VPS13D: variants seen among roughly 807,000 people sequenced by gnomAD.
VPS13D encodes intermembrane lipid transfer protein VPS13D.
Under a neutral mutation model 461.9 loss-of-function variants are expected in VPS13D, and 187 were observed. That is an observed-to-expected ratio of 0.40 (90% CI 0.36 to 0.46). The LOEUF (loss-of-function observed/expected upper bound fraction) is 0.46. Ranked by LOEUF, VPS13D falls within the 20% of genes least tolerant of loss-of-function variation. VPS13D has a pLI of 0.60. For missense variants in VPS13D, 4,711 were observed against 5,364.9 expected (o/e 0.88, Z 3.81); for synonymous variants, 1,951 against 1,986.3 (o/e 0.98, Z 0.47).
At chr1:12,300,978 T>G (rs971415935) in intron 25 of VPS13D, among the ~76,000 whole-genome samples, 4 of 152,248 alleles carry the variant, frequency 2.6e-5, no homozygotes, top group Non-Finnish European at 5.9e-5. Flanking sequence ...CAGCTACTTA[T>G]GCCTATTTTT....
At chr1:12,468,824 CA>C (rs988272291) in intron 67 of VPS13D, among the ~76,000 whole-genome samples, 1 of 152,158 alleles carries the variant, frequency 6.6e-6, no homozygotes. Context: ...TTTGAGCTCA[CA>C]AGCTCGAGAC....
intron 60 of VPS13D, 87 bp from the exon 61 acceptor site, chr1:12,400,094 A>G (rs1009560216): frequency 2.0e-6 from 3 of 1,486,862 alleles, no homozygotes; most frequent in South Asian, 1.3e-5. Flanking sequence ...CAACCTGCGC[A>G]TTATGAGGCC....
chr1:12,249,625 C>T (rs1445635379), intron 6 of VPS13D: 2 of 214,352 alleles, frequency 9.3e-6, no homozygotes, highest in Admixed American at 5.9e-5. Context: ...TATGTACACT[C>T]CCTGGGTAAA....
At chr1:12,287,515 GTCTTT>G (rs1246269881) in intron 21 of VPS13D, among the ~76,000 whole-genome samples, 1 of 152,156 alleles carries the variant, frequency 6.6e-6, no homozygotes, top group Non-Finnish European at 1.5e-5. Context: ...TCTGCTCTCA[GTCTTT>G]TCCTCACTCC....
At chr1:12,238,632 CTTTT>C (rs757737137) in intron 2 of VPS13D, among the ~76,000 whole-genome samples, 4 of 132,220 alleles carry the variant, frequency 3.0e-5, no homozygotes. Context: ...AGCTGCTATT[CTTTT>C]TTTTTTTTTT....
At chr1:12,247,768 A>C (rs1640606116) in intron 5 of VPS13D, among the ~76,000 whole-genome samples, 1 of 144,892 alleles carries the variant, frequency 6.9e-6, no homozygotes, top group African/African-American at 2.6e-5. Context: ...TGGTGGCGTG[A>C]TCTCGGCTCA....
intron 13 of VPS13D, among the ~76,000 whole-genome samples, chr1:12,262,395 G>A (rs916425082): frequency 1.3e-5 from 2 of 152,150 alleles, no homozygotes; most frequent in Non-Finnish European, 1.5e-5. Flanking sequence ...TTTACAAGTG[G>A]CACAAGAGTT....
At chr1:12,423,471 C>T (rs1459802885) in intron 65 of VPS13D, among the ~76,000 whole-genome samples, 2 of 152,212 alleles carry the variant, frequency 1.3e-5, no homozygotes, top group East Asian at 3.8e-4. Context: ...TTTAGGAAAA[C>T]TGTCTGAAGA....
At chr1:12,381,733 C>T (rs1336193484) in intron 57 of VPS13D, among the ~76,000 whole-genome samples, 1 of 152,212 alleles carries the variant, frequency 6.6e-6, no homozygotes, top group Non-Finnish European at 1.5e-5. Context: ...CTTCCAACTT[C>T]TGTACATCAC....
At chr1:12,347,330 C>T (rs543514004) in intron 44 of VPS13D, among the ~76,000 whole-genome samples, 136 of 152,196 alleles carry the variant, frequency 8.9e-4, no homozygotes, top group Non-Finnish European at 1.6e-3. Flanking sequence ...GCCACCACCC[C>T]CGGCTAATTT....
chr1:12,271,398 A>G (rs1641435819), intron 17 of VPS13D, among the ~76,000 whole-genome samples: 1 of 152,094 alleles, frequency 6.6e-6, no homozygotes, highest in Non-Finnish European at 1.5e-5. Context: ...GCTGGGTGCT[A>G]TGGCTCACAC....
In VPS13D at chr1:12,258,107, A is replaced by C. The variant is rs975494802; in HGVS notation, c.1110+4A>C. 8.7e-6 allele frequency: 14 copies of C among 1,614,060 alleles called. No individual in the cohort carries two copies. The highest frequency in any genetic ancestry group is 1.2e-5 in the Non-Finnish European group (14 of 1,179,904). ...CCTGCTGTCCACAGATGACAAGGTA[A>C]GTGGACTGTGGTCTTGTGTTTCTTG... is the stretch of plus-strand genomic sequence containing the variant. On this transcript the variant is annotated splice_donor_region_variant and intron_variant, in intron 10 of 69. Coordinates refer to ENST00000620676, the MANE Select transcript of VPS13D (RefSeq NM_015378.4).
At chr1:12,289,728 G>A (rs1049002812) in intron 22 of VPS13D, among the ~76,000 whole-genome samples, 1 of 151,956 alleles carries the variant, frequency 6.6e-6, no homozygotes, top group Non-Finnish European at 1.5e-5. Context: ...CTGAGGTCAG[G>A]AGTTTGAGAC....
intron 25 of VPS13D, among the ~76,000 whole-genome samples, chr1:12,302,997 A>G (rs1182174502): frequency 6.6e-6 from 1 of 152,238 alleles, no homozygotes; most frequent in Non-Finnish European, 1.5e-5. Context: ...GTAAGCAGAT[A>G]AACACATCTG....
At chr1:12,395,852 G>A (rs1012887478) in intron 60 of VPS13D, among the ~76,000 whole-genome samples, 13 of 150,838 alleles carry the variant, frequency 8.6e-5, no homozygotes, top group African/African-American at 3.2e-4. Flanking sequence ...TTTTTTGGGG[G>A]GCTAATCATA....
rs1641602985 is a variant in VPS13D at position 12,276,099 on chromosome 1, T to C, written c.2511T>C (p.His837=). The change falls in exon 19 of 70, where the codon CAT becomes CAC. Residue 837 remains histidine, a synonymous_variant. Coordinates refer to ENST00000620676, the MANE Select transcript of VPS13D (RefSeq NM_015378.4). The surrounding 1 kb of genome is among the most constrained non-coding windows in gnomAD (Gnocchi z 4.5). Reference sequence around the variant, plus strand: ...GACGAGTGAAAGACAATTGGAAGCATGTCCAGGATATTGACGTGGGACCAA... The same window carrying C: ...GACGAGTGAAAGACAATTGGAAGCACGTCCAGGATATTGACGTGGGACCAA... The part of the protein sequence containing the change: ...MVGRVKDNWK[H]VQDIDVGPTH... The C allele has an allele frequency of 6.2e-7, 1 of 1,614,162 alleles. No individual in the cohort carries two copies. The highest frequency in any genetic ancestry group is 1.3e-5 in the African/African-American group (1 of 75,054).
intron 14 of VPS13D, 33 bp from the exon 15 acceptor site, chr1:12,267,812 A>T (rs2101319582): frequency 1.2e-6 from 2 of 1,602,928 alleles, no homozygotes; most frequent in East Asian, 4.5e-5. Context: ...TCTCACGCTG[A>T]CGTTTACGCA....
At chr1:12,304,196 C>A (rs1257386293) in intron 25 of VPS13D, among the ~76,000 whole-genome samples, 1 of 152,210 alleles carries the variant, frequency 6.6e-6, no homozygotes, top group African/African-American at 2.4e-5. Context: ...TTGATTAAAC[C>A]ACTTGAAGCA....
intron 57 of VPS13D, among the ~76,000 whole-genome samples, chr1:12,382,112 T>C (rs1312333254): frequency 1.3e-5 from 2 of 151,672 alleles, no homozygotes; most frequent in Non-Finnish European, 2.9e-5. Flanking sequence ...TCCTCTTTTC[T>C]TTTCTTTTGA....
Sources: allele counts gnomAD v4.1 joint callset (sites outside exome capture counted in the v4.1 genomes callset), GRCh38; gene constraint gnomAD v4.1.1; non-coding constraint Gnocchi (gnomAD v3.1); transcripts MANE v1.5; gene names NCBI Gene and HGNC (gene_info 2026-07-23, HGNC 2026-07-21).